PEX11B: variants seen among roughly 807,000 people sequenced by gnomAD.
PEX11B encodes peroxisomal membrane protein 11B.
A neutral mutation model predicts 28.2 loss-of-function variants in PEX11B; 18 were observed. That is an observed-to-expected ratio of 0.64 (90% CI 0.44 to 0.95). The LOEUF is 0.95. PEX11B is among the 40% of genes least tolerant of loss of function. PEX11B has a pLI of 0.00. For missense variants in PEX11B, 305 were observed against 319.8 expected (o/e 0.95, Z 0.35); for synonymous variants, 128 against 128.7 (o/e 0.99, Z 0.04).
intron 3 of PEX11B, among the ~76,000 whole-genome samples, chr1:145,913,647 C>T (rs1657906978): frequency 6.6e-6 from 1 of 150,654 alleles, no homozygotes. Context: ...TCTCTCTCAA[C>T]TTGACCTATA....
intron 3 of PEX11B, among the ~76,000 whole-genome samples, chr1:145,914,331 A>G (rs782710195): frequency 1.3e-5 from 2 of 150,756 alleles, no homozygotes; most frequent in Non-Finnish European, 2.9e-5. Flanking sequence ...CTGAGATTGC[A>G]CCATTGCGCT....
chr1:145,918,672 C>T lies in PEX11B; in HGVS notation c.17G>A (p.Arg6His). The change falls in exon 1 of 4, where the codon CGC becomes CAC. Residue 6 changes from arginine to histidine, a missense_variant. By Grantham distance (29) the Arg-to-His change is conservative. Coordinates refer to ENST00000369306, the MANE Select transcript of PEX11B (RefSeq NM_003846.3). Reference protein sequence around the residue: MDAWVRFSAQSQARER... With the variant: MDAWVHFSAQSQARER... ...CCGGGCTTGGCTCTGAGCACTGAAG[C>T]GGACCCAGGCGTCCATGACAGCCGC... is the stretch of plus-strand genomic sequence containing the variant. 6.3e-7 allele frequency: 1 copy of T among 1,583,736 alleles called. No homozygotes were observed.
chr1:145,912,678 G>A (rs1657862571), intron 3 of PEX11B, 112 bp from the exon 4 acceptor site: 1 of 691,008 alleles, frequency 1.4e-6, no homozygotes, highest in African/African-American at 1.8e-5. Context: ...CATTAGATCA[G>A]AAGTAAAGTG....
rs1647528797 is a variant in PEX11B at position 145,918,325 on chromosome 1, C to G, written c.56+308G>C. The G allele has an allele frequency of 1.1e-5, 16 of 1,503,996 alleles. 1 individual carries two copies. In the East Asian group the frequency reaches 3.9e-4, roughly 37 times the overall value. The allele number at this position is 1,503,996 out of a possible 1,614,324, so 93.2% of individuals were successfully genotyped here. On this transcript the variant is annotated intron_variant, in intron 1 of 3. Coordinates refer to ENST00000369306, the MANE Select transcript of PEX11B (RefSeq NM_003846.3). Reference sequence around the variant, plus strand: ...CTCTGGGGGCAGAGTCTGGGGCTATCCACCGTGGGGCGAATGCTCCTCATT... The same window carrying G: ...CTCTGGGGGCAGAGTCTGGGGCTATGCACCGTGGGGCGAATGCTCCTCATT...
intron 3 of PEX11B, among the ~76,000 whole-genome samples, chr1:145,913,406 G>A (rs1657894408): frequency 6.6e-6 from 1 of 152,094 alleles, no homozygotes; most frequent in African/African-American, 2.4e-5. Flanking sequence ...CAAACATCGA[G>A]CTATAACTCC....
At chr1:145,917,625 G>A in intron 2 of PEX11B, 76 bp downstream of exon 2, 2 of 834,682 alleles carry the variant, frequency 2.4e-6, no homozygotes, top group African/African-American at 3.3e-5. Context: ...AGAGGGTACA[G>A]GAAGGAGGGA....
At chr1:145,913,286 A>G (rs1553753451) in intron 3 of PEX11B, among the ~76,000 whole-genome samples, 1 of 152,162 alleles carries the variant, frequency 6.6e-6, no homozygotes, top group African/African-American at 2.4e-5. Flanking sequence ...GAAATCTGCC[A>G]GGAAGGTAGA....
chr1:145,916,368 G>A (rs1287562957), intron 3 of PEX11B, among the ~76,000 whole-genome samples: 5 of 151,952 alleles, frequency 3.3e-5, no homozygotes, highest in Admixed American at 1.3e-4. Context: ...TCATAATACC[G>A]CATACTTTTC....
At chr1:145,915,765 CT>C (rs1553753818) in intron 3 of PEX11B, among the ~76,000 whole-genome samples, 2 of 151,826 alleles carry the variant, frequency 1.3e-5, no homozygotes, top group Non-Finnish European at 2.9e-5. Flanking sequence ...TCCCGAGTAG[CT>C]GGGATTACAG....
At chr1:145,916,771 A>G in intron 3 of PEX11B, 46 bp downstream of exon 3, 2 of 1,316,500 alleles carry the variant, frequency 1.5e-6, no homozygotes, top group Non-Finnish European at 2.2e-6. Context: ...GCTATGCAAT[A>G]TAGAGGCTAC....
In PEX11B at chr1:145,912,323, TG is replaced by T. The variant is rs1559221573; in HGVS notation, c.617del (p.Pro206HisfsTer4). On this transcript the variant is annotated frameshift_variant, in exon 4 of 4. Transcript: ENST00000369306. LOFTEE classifies it high-confidence loss of function. ...LLARVLRGHP[P>X]LLLDVVRNAC... ...CATTTCTGACCACGTCTAGCAGAAG[TG>T]GGGGATGACCTCTAAGGACTCGAGC... 1 of 1,613,970 alleles carries T rather than the reference TG, an allele frequency of 6.2e-7. No homozygotes were observed. Among genetic ancestry groups the T allele is most frequent in the South Asian group, 1.1e-5 (1 of 91,074 alleles).
At chr1:145,918,502 G>A in intron 1 of PEX11B, 131 bp downstream of exon 1, 1 of 1,538,150 alleles carries the variant, frequency 6.5e-7, no homozygotes, top group African/African-American at 1.4e-5. Flanking sequence ...GCGCCTCACG[G>A]TCCGTTCGGG....
At chr1:145,918,455 G>C (rs1553754304) in intron 1 of PEX11B, 178 bp downstream of exon 1, 1 of 1,536,212 alleles carries the variant, frequency 6.5e-7, no homozygotes, top group Admixed American at 2.0e-5. Flanking sequence ...TCTCTTCCGC[G>C]AACGGAAAGG....
At chr1:145,916,665 G>T in intron 3 of PEX11B, 152 bp downstream of exon 3, 1 of 605,520 alleles carries the variant, frequency 1.7e-6, no homozygotes, top group Non-Finnish European at 3.0e-6. Context: ...GATATTCTCC[G>T]ATAGTTTAAG....
intron 3 of PEX11B, among the ~76,000 whole-genome samples, chr1:145,916,366 C>T (rs1647376151): frequency 1.3e-5 from 2 of 152,164 alleles, no homozygotes; most frequent in African/African-American, 4.8e-5. Context: ...TTTCATAATA[C>T]CGCATACTTT....
Position 145,912,382 on chromosome 1 carries a change from C to T in PEX11B, c.559G>A (p.Ala187Thr). 1.9e-6 allele frequency: 3 copies of T among 1,611,736 alleles called. No homozygotes were observed. The highest frequency in any genetic ancestry group is 2.5e-6 in the Non-Finnish European group (3 of 1,178,810). Reference protein sequence around the residue: ...GTPGGGLPQLALKLRLQVLLL... With the variant: ...GTPGGGLPQLTLKLRLQVLLL... ...AGGACTTGCAGCCGAAGTTTCAGAG[C>T]CAGTTGGGGCAGACCTCCTCCTGGA... Residue 187 changes from alanine (A) to threonine (T), a missense_variant, in exon 4 of 4, where the codon GCT becomes ACT. Transcript: ENST00000369306.
rs1570929846 is a variant in PEX11B, at chr1:145,912,074, T to G, written c.*87A>C. 9.5e-7 allele frequency: 1 copy of G among 1,054,954 alleles called. No individual in the cohort carries two copies. The highest frequency in any genetic ancestry group is 2.7e-5 in the East Asian group (1 of 36,758). The allele number at this position is 1,054,954 out of a possible 1,614,324, so 65.3% of individuals were successfully genotyped here. On this transcript the variant is annotated 3_prime_UTR_variant, in exon 4 of 4. Coordinates refer to ENST00000369306, the MANE Select transcript of PEX11B (RefSeq NM_003846.3). ...TGAATTTCTAACTTTAACCAAAGAG[T>G]AGAATTCGAATGAGGCTGGCACATG...
In PEX11B at chr1:145,912,186, T is replaced by G; in HGVS notation, c.755A>C (p.Tyr252Ser). 1 of 1,609,818 alleles carries G rather than the reference T, an allele frequency of 6.2e-7. No individual in the cohort carries two copies. The highest frequency in any genetic ancestry group is 8.5e-7 in the Non-Finnish European group (1 of 1,177,592). Residue 252 changes from tyrosine to serine, a missense_variant, in exon 4 of 4, where the codon TAT (tyrosine) becomes TCT (serine). Coordinates refer to ENST00000369306, the MANE Select transcript of PEX11B (RefSeq NM_003846.3). ...SSILSILTLIYPWLRLKP is the reference protein window; with the variant it reads ...SSILSILTLISPWLRLKP ...TCAGGGCTTGAGTCGTAGCCAGGGA[T>G]AGATTAGGGTGAGAATAGACAGGAT...
Position 145,918,685 on chromosome 1 carries a change from C to T in PEX11B, c.4G>A (p.Asp2Asn). Residue 2 changes from aspartate (D) to asparagine (N), a missense_variant, in exon 1 of 4, where the codon GAC becomes AAC. Transcript: ENST00000369306. M[D>N]AWVRFSAQSQ... ...TGAGCACTGAAGCGGACCCAGGCGT[C>T]CATGACAGCCGCAGCCCAGGCTCCG... 3 of 1,577,716 alleles carry T rather than the reference C, an allele frequency of 1.9e-6. No individual in the cohort carries two copies. The highest frequency in any genetic ancestry group is 2.6e-6 in the Non-Finnish European group (3 of 1,162,226).
Sources: allele counts gnomAD v4.1 joint callset (sites outside exome capture counted in the v4.1 genomes callset), GRCh38; gene constraint gnomAD v4.1.1; transcripts MANE v1.5; gene names NCBI Gene and HGNC (gene_info 2026-07-23, HGNC 2026-07-21).